Variants in LRFN5 observed in about 807,000 individuals in gnomAD.
LRFN5 encodes leucine-rich repeat and fibronectin type-III domain-containing protein 5.
A neutral mutation model predicts 45.6 loss-of-function variants in LRFN5; 24 were observed. The observed-to-expected ratio is 0.53, with a 90% confidence interval of 0.38 to 0.74. The LOEUF is 0.74. Among genes scored for constraint, LRFN5 ranks in the 30% least tolerant of loss-of-function variants. The pLI, the probability that LRFN5 is intolerant of heterozygous loss-of-function variation, is 0.00. For missense variants in LRFN5, 776 were observed against 861.5 expected (o/e 0.90, Z 1.24); for synonymous variants, 340 against 313.8 (o/e 1.08, Z -0.88).
intron 2 of LRFN5, among the ~76,000 whole-genome samples, chr14:41,794,210 CA>C (rs1887037644): frequency 6.6e-6 from 1 of 151,968 alleles, no homozygotes; most frequent in East Asian, 1.9e-4. Context: ...ATATGTCATC[CA>C]TACCCCCATT....
At chr14:41,777,659 T>C (rs1357001874) in intron 2 of LRFN5, among the ~76,000 whole-genome samples, 1 of 151,854 alleles carries the variant, frequency 6.6e-6, no homozygotes, top group Non-Finnish European at 1.5e-5. Context: ...TCTATTACAT[T>C]GGTAAATGAA....
chr14:41,667,756 T>C (rs1436702444), intron 1 of LRFN5, among the ~76,000 whole-genome samples: 2 of 152,168 alleles, frequency 1.3e-5, no homozygotes, highest in African/African-American at 2.4e-5. Flanking sequence ...GGCCTGTCTG[T>C]CTGCCTTCTC....
intron 2 of LRFN5, among the ~76,000 whole-genome samples, chr14:41,769,564 A>C (rs1414500301): frequency 6.6e-6 from 1 of 152,210 alleles, no homozygotes. Flanking sequence ...GTGTACGTAT[A>C]TGTAAAGATA....
At chr14:41,715,831 T>A (rs980941557) in intron 1 of LRFN5, among the ~76,000 whole-genome samples, 1 of 152,182 alleles carries the variant, frequency 6.6e-6, no homozygotes, top group African/African-American at 2.4e-5. Context: ...GGTACTCCAG[T>A]AGGGACTCTG....
chr14:41,815,925 A>G (rs1416374410), intron 2 of LRFN5, among the ~76,000 whole-genome samples: 2 of 152,002 alleles, frequency 1.3e-5, no homozygotes, highest in Non-Finnish European at 2.9e-5. Flanking sequence ...AATATCTATC[A>G]TATTTGTTAG....
intron 2 of LRFN5, among the ~76,000 whole-genome samples, chr14:41,844,392 T>TG (rs1555325821): frequency 8.0e-5 from 12 of 150,792 alleles, no homozygotes; most frequent in Non-Finnish European, 4.4e-5. Context: ...AGCGGAGATC[T>TG]TGCCACCACA....
At chr14:41,833,254 G>C (rs1350201022) in intron 2 of LRFN5, among the ~76,000 whole-genome samples, 1 of 152,118 alleles carries the variant, frequency 6.6e-6, no homozygotes, top group African/African-American at 2.4e-5. Flanking sequence ...AATGATTAGC[G>C]ATCCGCAGGA....
At chr14:41,623,007 A>G (rs758283881) in intron 1 of LRFN5, among the ~76,000 whole-genome samples, 1 of 152,098 alleles carries the variant, frequency 6.6e-6, no homozygotes, top group African/African-American at 2.4e-5. Flanking sequence ...GACTTCTGCT[A>G]TGCTTACAGT....
intron 2 of LRFN5, among the ~76,000 whole-genome samples, chr14:41,821,650 G>A (rs987474540): frequency 6.6e-6 from 1 of 151,790 alleles, no homozygotes; most frequent in Non-Finnish European, 1.5e-5. Flanking sequence ...TTGTAGAATG[G>A]GGTATGGAGG....
intron 2 of LRFN5, among the ~76,000 whole-genome samples, chr14:41,806,882 A>G (rs1474814672): frequency 6.6e-6 from 1 of 152,130 alleles, no homozygotes; most frequent in Non-Finnish European, 1.5e-5. Context: ...AACCTTTAAC[A>G]GTCAAAATTG....
chr14:41,675,208 A>G (rs1345717527), intron 1 of LRFN5, among the ~76,000 whole-genome samples: 193 of 140,300 alleles, frequency 1.4e-3, no homozygotes, highest in African/African-American at 3.6e-3. Flanking sequence ...GGTGGCGGCC[A>G]GGCAGAGGCT....
intron 2 of LRFN5, among the ~76,000 whole-genome samples, chr14:41,883,732 A>C (rs1281247750): frequency 6.6e-6 from 1 of 152,090 alleles, no homozygotes; most frequent in South Asian, 2.1e-4. Context: ...CTATGCCTAC[A>C]TTTAAGATTA....
At chr14:41,873,405 A>AAG (rs950826272) in intron 2 of LRFN5, among the ~76,000 whole-genome samples, 3 of 122,556 alleles carry the variant, frequency 2.4e-5, no homozygotes, top group African/African-American at 6.2e-5. Context: ...AGAGAGGAGA[A>AAG]AGAGAGAGAG....
chr14:41,644,037 T>C (rs1879702581), intron 1 of LRFN5, among the ~76,000 whole-genome samples: 1 of 152,320 alleles, frequency 6.6e-6, no homozygotes, highest in South Asian at 2.1e-4. Context: ...CTGTTGAAAG[T>C]TGAAATGAAA....
At chr14:41,611,776 G>A (rs956446079) in intron 1 of LRFN5, among the ~76,000 whole-genome samples, 1 of 152,168 alleles carries the variant, frequency 6.6e-6, no homozygotes, top group African/African-American at 2.4e-5. Context: ...CTGTGCTGGT[G>A]TTTTGGGAGA....
At chr14:41,785,608 T>C (rs1445273663) in intron 2 of LRFN5, among the ~76,000 whole-genome samples, 2 of 152,260 alleles carry the variant, frequency 1.3e-5, no homozygotes, top group African/African-American at 4.8e-5. Context: ...TTTTCAATGA[T>C]TCAAGCACTT....
rs369194164 is a variant in LRFN5, at chr14:41,653,553, G to A, written c.-197+44991G>A. On this transcript the variant is annotated intron_variant, in intron 1 of 5. Transcript: ENST00000298119. ...ACAAGGTGATTGTGACTGAAATGAAGCAAACAAAGTATGTAGAGGGAGAAA... is the reference window on the plus strand; with the variant it reads ...ACAAGGTGATTGTGACTGAAATGAAACAAACAAAGTATGTAGAGGGAGAAA... Among the ~76,000 whole-genome samples, 6 of 152,208 alleles carry A rather than the reference G, an allele frequency of 3.9e-5. No individual in the cohort carries two copies. In the East Asian group the frequency reaches 9.6e-4, roughly 24 times the overall value.
chr14:41,757,011 C>T (rs930267236), intron 1 of LRFN5, among the ~76,000 whole-genome samples: 3 of 152,218 alleles, frequency 2.0e-5, no homozygotes, highest in African/African-American at 7.2e-5. Flanking sequence ...TTGGAGTTTG[C>T]TGGAGGTCCA....
At chr14:41,853,635 G>C (rs1889351132) in intron 2 of LRFN5, among the ~76,000 whole-genome samples, 1 of 152,020 alleles carries the variant, frequency 6.6e-6, no homozygotes, top group Admixed American at 6.6e-5. Context: ...TAGATATCAA[G>C]AAGCAGATAG....
Sources: allele counts gnomAD v4.1 joint callset (sites outside exome capture counted in the v4.1 genomes callset), GRCh38; gene constraint gnomAD v4.1.1; transcripts MANE v1.5; gene names NCBI Gene and HGNC (gene_info 2026-07-23, HGNC 2026-07-21).